Variants in TMEM131L observed in about 807,000 individuals in gnomAD.
TMEM131L encodes the protein transmembrane 131 like, also known as transmembrane protein 131-like.
A neutral mutation model predicts 192.2 loss-of-function variants in TMEM131L; 54 were observed. That is an observed-to-expected ratio of 0.28 (90% CI 0.23 to 0.35). The LOEUF (loss-of-function observed/expected upper bound fraction) is 0.35. TMEM131L is among the 10% of genes least tolerant of loss of function. The pLI is 1.00. For synonymous variants in TMEM131L, 701 were observed against 704.9 expected (o/e 0.99, Z 0.09); for missense variants, 1,888 against 1,972.9 (o/e 0.96, Z 0.82).
In TMEM131L at chr4:153,543,888, T is replaced by TA. The variant is rs562135878; in HGVS notation, c.240-6183dup. ...TCTTTGAATAATGAGAACAGCCCAG[T>TA]AAGTGTCTCGTTAGCATAACATGTC... On this transcript the variant is annotated intron_variant, in intron 3 of 34. Coordinates refer to ENST00000409959, the MANE Select transcript of TMEM131L (RefSeq NM_001131007.2). 5.5e-3 allele frequency among the ~76,000 whole-genome samples: 833 copies of TA among 152,182 alleles called. 16 individuals are homozygous for TA. The highest frequency in any genetic ancestry group is 0.019 in the African/African-American group (788 of 41,414).
At chr4:153,522,322 A>G (rs1017366787) in intron 3 of TMEM131L, among the ~76,000 whole-genome samples, 5 of 152,210 alleles carry the variant, frequency 3.3e-5, no homozygotes, top group Non-Finnish European at 5.9e-5. Context: ...TTGGTAGGAA[A>G]TAGGTGTCCT....
chr4:153,502,950 A>G lies in TMEM131L; in HGVS notation c.239+29062A>G, dbSNP rs916673728. On this transcript the variant is annotated intron_variant, in intron 3 of 34. Transcript: ENST00000409959. ...ACATTTCTAGAAAGCCAATTACTGC[A>G]AAGTCTCATTTTGCAGGGTCATCTT... 2.0e-5 allele frequency among the ~76,000 whole-genome samples: 3 copies of G among 147,564 alleles called. No individual in the cohort carries two copies. The Admixed American group carries it at 2.1e-4, about 10-fold the overall frequency.
At chr4:153,487,029 G>A (rs1261740558) in intron 3 of TMEM131L, among the ~76,000 whole-genome samples, 8 of 152,150 alleles carry the variant, frequency 5.3e-5, no homozygotes, top group Non-Finnish European at 8.8e-5. Context: ...TAGACTGGCC[G>A]GTTCTCAGAC....
At chr4:153,605,463 G>A (rs1463126162) in intron 25 of TMEM131L, among the ~76,000 whole-genome samples, 2 of 152,206 alleles carry the variant, frequency 1.3e-5, no homozygotes, top group South Asian at 4.1e-4. Flanking sequence ...CACCTCCGGG[G>A]CTCAAGCCAT....
chr4:153,525,366 A>G (rs1223822449), intron 3 of TMEM131L, among the ~76,000 whole-genome samples: 2 of 151,904 alleles, frequency 1.3e-5, no homozygotes, highest in African/African-American at 4.8e-5. Context: ...TTGAGACTGG[A>G]TCTCACTCTG....
chr4:153,602,345 A>T lies in TMEM131L; in HGVS notation c.2453+7A>T. The T allele has an allele frequency of 2.5e-6, 4 of 1,607,242 alleles. No homozygotes were observed. The highest frequency in any genetic ancestry group is 3.4e-6 in the Non-Finnish European group (4 of 1,178,524). On this transcript the variant is annotated splice_region_variant and intron_variant, in intron 22 of 34. Transcript: ENST00000409959. ...CCCGCGATATCAGCATTGTGTAAGCATTGGGCTTTAACTTGATTTCAGTTT... is the reference window on the plus strand; with the variant it reads ...CCCGCGATATCAGCATTGTGTAAGCTTTGGGCTTTAACTTGATTTCAGTTT...
At chr4:153,534,121 A>G (rs528176552) in intron 3 of TMEM131L, among the ~76,000 whole-genome samples, 5 of 152,362 alleles carry the variant, frequency 3.3e-5, no homozygotes, top group African/African-American at 9.6e-5. Flanking sequence ...TAAATCAATG[A>G]CACCGGTTTG....
intron 3 of TMEM131L, among the ~76,000 whole-genome samples, chr4:153,474,851 C>T (rs1158754319): frequency 3.9e-5 from 6 of 152,144 alleles, no homozygotes; most frequent in Non-Finnish European, 7.3e-5. Context: ...CCACCGCACT[C>T]GGTCCTGTGA....
At chr4:153,532,118 C>T (rs1052035302) in intron 3 of TMEM131L, among the ~76,000 whole-genome samples, 2 of 152,202 alleles carry the variant, frequency 1.3e-5, no homozygotes, top group South Asian at 4.1e-4. Flanking sequence ...GCTGTTCTTC[C>T]TCTGCAGCTG....
chr4:153,599,478 A>G (rs1429621495), intron 21 of TMEM131L, among the ~76,000 whole-genome samples: 1 of 152,218 alleles, frequency 6.6e-6, no homozygotes, highest in Non-Finnish European at 1.5e-5. Flanking sequence ...TAGGAGTTTT[A>G]GGCCAACCTG....
intron 31 of TMEM131L, 148 bp from the exon 32 acceptor site, chr4:153,632,570 A>T: frequency 1.3e-6 from 1 of 799,900 alleles, no homozygotes; most frequent in Non-Finnish European, 2.0e-6. Flanking sequence ...TTTCAGAATT[A>T]TATCCTGAAA....
chr4:153,581,705 C>G, intron 9 of TMEM131L, 145 bp downstream of exon 9: 1 of 485,846 alleles, frequency 2.1e-6, no homozygotes, highest in Non-Finnish European at 3.3e-6. Flanking sequence ...GTAACTGGTT[C>G]TCAACCTACA....
intron 18 of TMEM131L, among the ~76,000 whole-genome samples, chr4:153,592,915 T>A (rs1223709885): frequency 6.6e-6 from 1 of 152,234 alleles, no homozygotes; most frequent in Non-Finnish European, 1.5e-5. Context: ...CTAGGCAGCA[T>A]AAATAAGTTT....
At chr4:153,627,897 TAGTG>T (rs1299808966) in intron 31 of TMEM131L, among the ~76,000 whole-genome samples, 5 of 152,154 alleles carry the variant, frequency 3.3e-5, no homozygotes, top group Non-Finnish European at 5.9e-5. Flanking sequence ...TGTGCATCAA[TAGTG>T]AGCCCCCTCC....
At position 153,550,062 on chromosome 4, in the gene TMEM131L, T is replaced by C. The variant is rs1479939048; in HGVS notation, c.240-11T>C. ...ACTACAACAAAATCAACCTCTCTTTTCTTTTTTTAGCTTCTCGGACAAACT... is the reference window on the plus strand; with the variant it reads ...ACTACAACAAAATCAACCTCTCTTTCCTTTTTTTAGCTTCTCGGACAAACT... On this transcript the variant is annotated splice_polypyrimidine_tract_variant and intron_variant, in intron 3 of 34. Transcript: ENST00000409959. 1.4e-6 allele frequency: 2 copies of C among 1,426,548 alleles called. No homozygotes were observed. Among genetic ancestry groups the C allele is most frequent in the African/African-American group, 2.9e-5 (2 of 68,690 alleles). The allele number at this position is 1,426,548 out of a possible 1,614,324, so 88.4% of individuals were successfully genotyped here.
intron 3 of TMEM131L, among the ~76,000 whole-genome samples, chr4:153,498,228 A>C (rs1378923483): frequency 6.6e-6 from 1 of 152,188 alleles, no homozygotes; most frequent in African/African-American, 2.4e-5. Context: ...AGTCCTGAGC[A>C]TGGTGCCCTT....
intron 3 of TMEM131L, among the ~76,000 whole-genome samples, chr4:153,528,485 CAACAA>C (rs1434897769): frequency 6.6e-6 from 1 of 152,058 alleles, no homozygotes; most frequent in Non-Finnish European, 1.5e-5. Context: ...GCTTTAAAAA[CAACAA>C]AACAAATCAC....
intron 25 of TMEM131L, among the ~76,000 whole-genome samples, chr4:153,606,124 G>A (rs963022940): frequency 6.6e-6 from 1 of 152,136 alleles, no homozygotes; most frequent in African/African-American, 2.4e-5. Flanking sequence ...GTATTATGAT[G>A]GGGTGATTGG....
At chr4:153,498,235 C>T (rs781350930) in intron 3 of TMEM131L, among the ~76,000 whole-genome samples, 2 of 152,122 alleles carry the variant, frequency 1.3e-5, no homozygotes, top group Non-Finnish European at 2.9e-5. Flanking sequence ...AGCATGGTGC[C>T]CTTGATCTGC....
Sources: allele counts gnomAD v4.1 joint callset (sites outside exome capture counted in the v4.1 genomes callset), GRCh38; gene constraint gnomAD v4.1.1; transcripts MANE v1.5; gene names NCBI Gene and HGNC (gene_info 2026-07-23, HGNC 2026-07-21).